PLCB4: variants seen among roughly 807,000 people sequenced by gnomAD.
PLCB4 encodes phospholipase C beta 4.
A neutral mutation model predicts 178.8 loss-of-function variants in PLCB4; 77 were observed. That is an observed-to-expected ratio of 0.43 (90% CI 0.36 to 0.52). The LOEUF (loss-of-function observed/expected upper bound fraction) is 0.52. Among genes scored for constraint, PLCB4 ranks in the 20% least tolerant of loss-of-function variants. The pLI is 0.00. For missense variants in PLCB4, 1,024 were observed against 1,453.4 expected (o/e 0.70, Z 4.80); for synonymous variants, 496 against 490.8 (o/e 1.01, Z -0.14).
intron 3 of PLCB4, among the ~76,000 whole-genome samples, chr20:9,255,922 A>G (rs376257430): frequency 1.3e-4 from 19 of 151,438 alleles, no homozygotes; most frequent in African/African-American, 4.4e-4. Context: ...TGTTGGGACT[A>G]TTGCATAACA....
intron 3 of PLCB4, among the ~76,000 whole-genome samples, chr20:9,306,909 G>A (rs115030115): frequency 2.3e-3 from 356 of 152,214 alleles, no homozygotes; most frequent in African/African-American, 8.3e-3. Flanking sequence ...CCTTAGTTCA[G>A]CTAAAAACAG....
chr20:9,193,654 C>T (rs1277663802), intron 2 of PLCB4, among the ~76,000 whole-genome samples: 5 of 151,972 alleles, frequency 3.3e-5, no homozygotes, highest in Admixed American at 2.6e-4. Context: ...TGAAAAAAGA[C>T]CTATGTCTTT....
At chr20:9,367,072 G>A (rs11904996) in intron 9 of PLCB4, among the ~76,000 whole-genome samples, 6,670 of 152,242 alleles carry the variant, frequency 0.044, 365 homozygotes, top group East Asian at 0.18. Flanking sequence ...CTGCTCTGCA[G>A]CTTCCATTCT....
rs1241069276 is a variant in PLCB4, at chr20:9,394,025, T to C, written c.1414+347T>C. 2.0e-5 allele frequency among the ~76,000 whole-genome samples: 3 copies of C among 152,204 alleles called. No individual in the cohort carries two copies. The East Asian group carries it at 5.8e-4, about 29-fold the overall frequency. On this transcript the variant is annotated intron_variant, in intron 18 of 39. Transcript: ENST00000378473. ...CTCTAAAGTCCTCATAAGTTTCCCT[T>C]TTCAGTTTGCCCCGTGCTCTATACC...
At chr20:9,309,242 A>G (rs545253638) in intron 4 of PLCB4, among the ~76,000 whole-genome samples, 2 of 152,264 alleles carry the variant, frequency 1.3e-5, no homozygotes, top group South Asian at 4.1e-4. Flanking sequence ...ATAGCAAACC[A>G]CTTACAGTTT....
At chr20:9,245,586 C>T (rs182962171) in intron 3 of PLCB4, among the ~76,000 whole-genome samples, 68 of 152,216 alleles carry the variant, frequency 4.5e-4, no homozygotes, top group Admixed American at 3.9e-3. Context: ...ACTGAAGCAA[C>T]CTCAAGCCAA....
In PLCB4 at chr20:9,421,412, A is replaced by C. The variant is rs756327197; in HGVS notation, c.2270A>C (p.Asn757Thr). 1 of 1,614,052 alleles carries C rather than the reference A, an allele frequency of 6.2e-7. No homozygotes were observed. Among genetic ancestry groups the C allele is most frequent in the South Asian group, 1.1e-5 (1 of 91,082 alleles). The change falls in exon 27 of 40, where the codon AAT becomes ACT. Residue 757 changes from asparagine to threonine, a missense_variant. Around this residue, in one of 7 missense-constraint regions of PLCB4, gnomAD observed 227 missense variants for 374.3 expected, o/e 0.61. Transcript: ENST00000378473. ...RKEFRTRMVM[N>T]NGLNPVYNEE... ...GAATTCCGAACTCGCATGGTTATGA[A>C]TAATGGACTCAATCCAGTTTACAAT...
Position 9,349,997 on chromosome 20 carries a change from C to T in PLCB4, c.369+10960C>T, listed in dbSNP as rs553905135. On this transcript the variant is annotated intron_variant, in intron 7 of 39. Coordinates refer to ENST00000378473, the MANE Select transcript of PLCB4 (RefSeq NM_001377142.1). ...CTTGTATTACATGAGACTTTGTTGCCTCCAAGCTCTATGATCTGGAGCCAG... is the reference window on the plus strand; with the variant it reads ...CTTGTATTACATGAGACTTTGTTGCTTCCAAGCTCTATGATCTGGAGCCAG... Among the ~76,000 whole-genome samples the T allele has an allele frequency of 6.6e-5, 10 of 152,242 alleles. No homozygotes were observed. In the South Asian group the frequency reaches 1.9e-3, roughly 28 times the overall value.
chr20:9,189,490 C>T (rs2093371554), intron 2 of PLCB4, among the ~76,000 whole-genome samples: 1 of 150,314 alleles, frequency 6.7e-6, no homozygotes, highest in Non-Finnish European at 1.5e-5. Flanking sequence ...CATATAGTGA[C>T]ATTCTGGGTT....
In PLCB4 at chr20:9,100,970, G is replaced by C. The variant is rs149288551; in HGVS notation, c.-79+4628G>C. ...TCCTCATCCCAAGCATGATTTTTAT[G>C]TGGGTAGGCTGCCCGCCTGTGAGGT... is the stretch of plus-strand genomic sequence containing the variant. On this transcript the variant is annotated intron_variant, in intron 2 of 39. Coordinates refer to ENST00000378473, the MANE Select transcript of PLCB4 (RefSeq NM_001377142.1). Among the ~76,000 whole-genome samples, 859 of 152,170 alleles carry C rather than the reference G, an allele frequency of 5.6e-3. 7 individuals carry two copies. The highest frequency in any genetic ancestry group is 0.02 in the African/African-American group (824 of 41,512).
intron 2 of PLCB4, among the ~76,000 whole-genome samples, chr20:9,189,452 T>G (rs2093370755): frequency 7.4e-6 from 1 of 134,770 alleles, no homozygotes; most frequent in South Asian, 2.9e-4. Context: ...CATTCTGGGT[T>G]GGTTAATTGT....
At chr20:9,292,145 A>G (rs1403881912) in intron 3 of PLCB4, among the ~76,000 whole-genome samples, 8 of 152,158 alleles carry the variant, frequency 5.3e-5, no homozygotes, top group Non-Finnish European at 1.2e-4. Flanking sequence ...GTCTCATTTT[A>G]CAATCCTCAG....
rs545580549 is a variant in PLCB4, at chr20:9,400,727, T to C, written c.1511-763T>C. Among the ~76,000 whole-genome samples, 12 of 152,340 alleles carry C rather than the reference T, an allele frequency of 7.9e-5. No individual in the cohort carries two copies. In the East Asian group the frequency reaches 2.3e-3, roughly 29 times the overall value. ...TGTGAATCCAAATCTCACCTCAGCA[T>C]GTTGCACATTTTCCAGCAGGTACTT... On this transcript the variant is annotated intron_variant, in intron 19 of 39. Transcript: ENST00000378473.
chr20:9,069,770 G>A (rs1379647893), intron 1 of PLCB4, among the ~76,000 whole-genome samples: 1 of 152,142 alleles, frequency 6.6e-6, no homozygotes, highest in Non-Finnish European at 1.5e-5. Context: ...TTCGTATATG[G>A]TACTGAATCG....
intron 3 of PLCB4, among the ~76,000 whole-genome samples, chr20:9,217,866 C>G (rs1407615965): frequency 6.6e-6 from 1 of 152,200 alleles, no homozygotes; most frequent in Admixed American, 6.5e-5. Context: ...TGTACATTAT[C>G]AGCAAAAATC....
chr20:9,175,864 G>A (rs1220696019), intron 2 of PLCB4, among the ~76,000 whole-genome samples: 3 of 152,012 alleles, frequency 2.0e-5, no homozygotes, highest in African/African-American at 7.3e-5. Flanking sequence ...TAACTTTATT[G>A]AACTATAATT....
At chr20:9,172,757 CCT>C (rs1425996336) in intron 2 of PLCB4, among the ~76,000 whole-genome samples, 37 of 152,226 alleles carry the variant, frequency 2.4e-4, no homozygotes, top group Admixed American at 2.3e-3. Flanking sequence ...GTCAACTCGC[CCT>C]AAGAACAGAA....
At chr20:9,384,555 G>T (rs545049582) in intron 14 of PLCB4, 144 bp downstream of exon 14, 5 of 636,078 alleles carry the variant, frequency 7.9e-6, no homozygotes, top group Admixed American at 2.8e-5. Flanking sequence ...GTCATTTAAC[G>T]TTGAGAAAAG....
At chr20:9,467,694 T>C (rs1414040615) in intron 35 of PLCB4, among the ~76,000 whole-genome samples, 1 of 152,202 alleles carries the variant, frequency 6.6e-6, no homozygotes, top group Non-Finnish European at 1.5e-5. Flanking sequence ...CCAGAGTTTC[T>C]ATACATGTTC....
Sources: allele counts gnomAD v4.1 joint callset (sites outside exome capture counted in the v4.1 genomes callset), GRCh38; gene constraint gnomAD v4.1.1; regional missense constraint gnomAD v4.1.1; transcripts MANE v1.5; gene names NCBI Gene and HGNC (gene_info 2026-07-23, HGNC 2026-07-21).